Variants in CSMD1 observed in about 807,000 individuals in gnomAD.
CSMD1 encodes CUB and sushi domain-containing protein 1.
In CSMD1, 213 loss-of-function variants were observed where a neutral mutation model predicts 417.5. The ratio of observed to expected loss-of-function variants is 0.51; its 90% CI spans 0.46 to 0.57. The LOEUF (loss-of-function observed/expected upper bound fraction) is 0.57. Among genes scored for constraint, CSMD1 ranks in the 20% least tolerant of loss-of-function variants. The probability of loss-of-function intolerance (pLI) is 0.00; values close to 1 mark genes in which losing one functional copy is unlikely to be tolerated. For synonymous variants in CSMD1, 2,862 were observed against 1,736.8 expected (o/e 1.65, Z -16.11); for missense variants, 6,923 against 4,529.7 (o/e 1.53, Z -15.17).
intron 28 of CSMD1, among the ~76,000 whole-genome samples, chr8:3,219,993 A>C (rs1485583485): frequency 6.6e-6 from 1 of 152,004 alleles, no homozygotes; most frequent in African/African-American, 2.4e-5. Flanking sequence ...AAAAATACAA[A>C]AGTTAGTAGA....
At chr8:4,425,242 G>A (rs1254423407) in intron 2 of CSMD1, among the ~76,000 whole-genome samples, 1 of 151,946 alleles carries the variant, frequency 6.6e-6, no homozygotes, top group African/African-American at 2.4e-5. Flanking sequence ...GATACTAAGG[G>A]ATTTTTAAAA....
At chr8:3,397,998 A>G (rs1485219643) in intron 16 of CSMD1, among the ~76,000 whole-genome samples, 1 of 152,212 alleles carries the variant, frequency 6.6e-6, no homozygotes, top group African/African-American at 2.4e-5. Context: ...CATGTCTAAA[A>G]ATATCAGAAA....
At position 4,336,287 on chromosome 8, in the gene CSMD1, C is replaced by G. The variant is rs116242753; in HGVS notation, c.415+83666G>C. On this transcript the variant is annotated intron_variant, in intron 3 of 69. Transcript: ENST00000635120. ...AATAGACAGTATTTTATGTCAGAAG[C>G]TTTACTTTTAATGCCACGTAGCCTC... Among the ~76,000 whole-genome samples the G allele has an allele frequency of 2.8e-3, 420 of 152,184 alleles. 2 individuals carry two copies. The highest frequency in any genetic ancestry group is 9.9e-3 in the African/African-American group (410 of 41,536).
At chr8:3,692,535 G>A (rs1008782268) in intron 7 of CSMD1, among the ~76,000 whole-genome samples, 1 of 151,486 alleles carries the variant, frequency 6.6e-6, no homozygotes, top group East Asian at 2.0e-4. Context: ...TTCACATCCT[G>A]TGTTCTCTCC....
At position 3,948,280 on chromosome 8, in the gene CSMD1, A is replaced by T. The variant is rs537361325; in HGVS notation, c.818+49623T>A. 3.3e-5 allele frequency among the ~76,000 whole-genome samples: 5 copies of T among 152,322 alleles called. No individual in the cohort carries two copies. In the East Asian group the frequency reaches 9.6e-4, roughly 29 times the overall value. ...TGCTATATATATTTGTTAAAAAATAAAAACAAAAAGTCATGTTAGTCTGCA... is the reference window on the plus strand; with the variant it reads ...TGCTATATATATTTGTTAAAAAATATAAACAAAAAGTCATGTTAGTCTGCA... On this transcript the variant is annotated intron_variant, in intron 5 of 69. Coordinates refer to ENST00000635120, the MANE Select transcript of CSMD1 (RefSeq NM_033225.6).
At chr8:4,926,377 G>A (rs987774809) in intron 1 of CSMD1, among the ~76,000 whole-genome samples, 1 of 151,800 alleles carries the variant, frequency 6.6e-6, no homozygotes, top group East Asian at 1.9e-4. Context: ...TTATCTTTAC[G>A]ATATTTTCTG....
chr8:3,235,767 A>G (rs1253332554), intron 26 of CSMD1, among the ~76,000 whole-genome samples: 1 of 152,102 alleles, frequency 6.6e-6, no homozygotes, highest in Non-Finnish European at 1.5e-5. Flanking sequence ...TGTAGTTCTC[A>G]ACCCAATTTT....
At chr8:3,147,177 G>A (rs1351974904) in intron 40 of CSMD1, among the ~76,000 whole-genome samples, 2 of 152,120 alleles carry the variant, frequency 1.3e-5, no homozygotes, top group Non-Finnish European at 2.9e-5. Flanking sequence ...CTGAAGCCTA[G>A]AAATTACATT....
At chr8:4,675,002 G>C (rs371656963) in intron 1 of CSMD1, among the ~76,000 whole-genome samples, 5 of 152,266 alleles carry the variant, frequency 3.3e-5, no homozygotes, top group East Asian at 3.9e-4. Context: ...ACCAAGAAGA[G>C]AGCCTTCCCC....
At chr8:4,222,870 A>G (rs1479310215) in intron 3 of CSMD1, among the ~76,000 whole-genome samples, 4 of 152,200 alleles carry the variant, frequency 2.6e-5, no homozygotes, top group African/African-American at 4.8e-5. Flanking sequence ...TGTTTTGATC[A>G]CTAGACATAA....
chr8:3,396,410 G>C (rs374220259), intron 16 of CSMD1, 29 bp from the exon 17 acceptor site: 50 of 1,486,530 alleles, frequency 3.4e-5, no homozygotes, highest in African/African-American at 3.1e-4. Context: ...CATCAGAAAA[G>C]ACATGCAGAA....
At chr8:3,477,827 G>A (rs1378262250) in intron 11 of CSMD1, among the ~76,000 whole-genome samples, 1 of 152,146 alleles carries the variant, frequency 6.6e-6, no homozygotes, top group African/African-American at 2.4e-5. Flanking sequence ...ACCTAGCCGG[G>A]TTCCCAGGAC....
At chr8:3,892,859 G>C (rs1196316974) in intron 5 of CSMD1, among the ~76,000 whole-genome samples, 1 of 151,734 alleles carries the variant, frequency 6.6e-6, no homozygotes, top group Non-Finnish European at 1.5e-5. Context: ...CCACGGGCCA[G>C]ACACAGAGCA....
intron 1 of CSMD1, among the ~76,000 whole-genome samples, chr8:4,656,584 G>T (rs923428662): frequency 2.0e-5 from 3 of 151,548 alleles, no homozygotes; most frequent in African/African-American, 7.3e-5. Context: ...GTTGTGAATA[G>T]AAAATTAGTT....
At chr8:4,783,265 A>C (rs952504008) in intron 1 of CSMD1, among the ~76,000 whole-genome samples, 13 of 152,216 alleles carry the variant, frequency 8.5e-5, no homozygotes. Flanking sequence ...CAGGAAATCA[A>C]GATGGTGAAT....
chr8:3,522,674 G>C (rs1002367351), intron 10 of CSMD1, among the ~76,000 whole-genome samples: 2 of 151,944 alleles, frequency 1.3e-5, no homozygotes, highest in African/African-American at 2.4e-5. Flanking sequence ...GAGTTTCAGT[G>C]AGGAGTAGAT....
At chr8:3,824,921 AC>A (rs1372919989) in intron 5 of CSMD1, among the ~76,000 whole-genome samples, 5 of 152,148 alleles carry the variant, frequency 3.3e-5, no homozygotes, top group Non-Finnish European at 5.9e-5. Context: ...GTTAATTAGC[AC>A]CATAAAAACC....
At chr8:3,924,448 A>G (rs1450269234) in intron 5 of CSMD1, among the ~76,000 whole-genome samples, 1 of 152,134 alleles carries the variant, frequency 6.6e-6, no homozygotes, top group Non-Finnish European at 1.5e-5. Context: ...TTATTCCTCT[A>G]AGAAATTTAT....
chr8:4,725,379 G>C (rs902426640), intron 1 of CSMD1, among the ~76,000 whole-genome samples: 1 of 152,064 alleles, frequency 6.6e-6, no homozygotes, highest in African/African-American at 2.4e-5. Flanking sequence ...TAGTAATGTT[G>C]TTTTGCTTGT....
Sources: gnomAD v4.1 joint callset for allele counts (sites outside exome capture counted in the v4.1 genomes callset) on GRCh38, gnomAD v4.1.1 for gene constraint, MANE v1.5 for transcripts, NCBI Gene and HGNC (gene_info 2026-07-23, HGNC 2026-07-21) for gene names.